Variants in SGIP1 observed in about 807,000 individuals in gnomAD.
SGIP1 encodes SH3-containing GRB2-like protein 3-interacting protein 1.
Under a neutral mutation model 107.5 loss-of-function variants are expected in SGIP1, and 38 were observed. That is an observed-to-expected ratio of 0.35 (90% CI 0.27 to 0.46). The LOEUF (loss-of-function observed/expected upper bound fraction) is 0.46. SGIP1 is among the 20% of genes least tolerant of loss of function. The pLI is 1.00. For synonymous variants in SGIP1, 365 were observed against 366.1 expected (o/e 1.00, Z 0.03); for missense variants, 929 against 1,019.5 (o/e 0.91, Z 1.21).
At chr1:66,637,047 CAA>C (rs3831086) in intron 4 of SGIP1, among the ~76,000 whole-genome samples, 3 of 150,420 alleles carry the variant, frequency 2.0e-5, no homozygotes, top group Admixed American at 1.3e-4. Context: ...TTAAGAAATA[CAA>C]AAAAAAAGGA....
At chr1:66,553,676 A>G (rs2057759342) in intron 1 of SGIP1, among the ~76,000 whole-genome samples, 1 of 107,360 alleles carries the variant, frequency 9.3e-6, no homozygotes, top group South Asian at 3.2e-4. Flanking sequence ...ACTCCAGTCA[A>G]AAAAAAAAAA....
At chr1:66,670,151 G>A (rs1443757890) in intron 9 of SGIP1, among the ~76,000 whole-genome samples, 2 of 152,132 alleles carry the variant, frequency 1.3e-5, no homozygotes, top group South Asian at 2.1e-4. Context: ...TGTACCCCAC[G>A]ATGCAACCAT....
chr1:66,689,209 T>C lies in SGIP1; in HGVS notation c.1377T>C (p.Pro459=). The C allele has an allele frequency of 6.2e-7, 1 of 1,613,888 alleles. No individual in the cohort carries two copies. The highest frequency in any genetic ancestry group is 8.5e-7 in the Non-Finnish European group (1 of 1,179,898). ...TTCCTTGCAGAAGTACCACTCCACC[T>C]CCACCTCCTCCCCGGCCTCCATCCC... ...PLVPCRSTTP[P]PPPPRPPSRP... is the part of the protein sequence containing the mutation. Residue 459 remains proline, a synonymous_variant, in exon 16 of 25, where the codon CCT becomes CCC. Coordinates refer to ENST00000371037, the MANE Select transcript of SGIP1 (RefSeq NM_032291.4).
At chr1:66,573,278 G>T (rs938469047) in intron 1 of SGIP1, among the ~76,000 whole-genome samples, 2 of 152,096 alleles carry the variant, frequency 1.3e-5, no homozygotes, top group Non-Finnish European at 2.9e-5. Flanking sequence ...TGTTAGTGAG[G>T]TTACAGAGAA....
chr1:66,711,467 A>G (rs1017798908), intron 18 of SGIP1, among the ~76,000 whole-genome samples: 1 of 152,184 alleles, frequency 6.6e-6, no homozygotes, highest in African/African-American at 2.4e-5. Context: ...AACATATTCT[A>G]TAAATTACTG....
At chr1:66,705,776 A>G (rs1166714456) in intron 18 of SGIP1, among the ~76,000 whole-genome samples, 1 of 152,176 alleles carries the variant, frequency 6.6e-6, no homozygotes, top group African/African-American at 2.4e-5. Context: ...CCATTCAAGG[A>G]AAGAACACTT....
intron 1 of SGIP1, among the ~76,000 whole-genome samples, chr1:66,554,614 G>A (rs1419947894): frequency 1.3e-5 from 2 of 152,044 alleles, no homozygotes. Context: ...TTAAAATAGT[G>A]CTTAGAATTA....
chr1:66,568,217 C>G (rs2059917994), intron 1 of SGIP1, among the ~76,000 whole-genome samples: 1 of 152,132 alleles, frequency 6.6e-6, no homozygotes, highest in Non-Finnish European at 1.5e-5. Context: ...AGAGGTCCTT[C>G]ATGTCCCTTG....
At chr1:66,739,210 C>G in intron 21 of SGIP1, 125 bp from the exon 22 acceptor site, 1 of 996,410 alleles carries the variant, frequency 1.0e-6, no homozygotes, top group Non-Finnish European at 1.5e-6. Flanking sequence ...TCTCTCACAG[C>G]ACGCTTCACG....
At chr1:66,545,980 A>G (rs1341360156) in intron 1 of SGIP1, among the ~76,000 whole-genome samples, 2 of 152,194 alleles carry the variant, frequency 1.3e-5, no homozygotes, top group Admixed American at 6.5e-5. Context: ...GTAAATGCTC[A>G]ATAAATACCC....
intron 1 of SGIP1, among the ~76,000 whole-genome samples, chr1:66,602,648 A>AAAT (rs2066084980): frequency 6.6e-6 from 1 of 151,764 alleles, no homozygotes; most frequent in South Asian, 2.1e-4. Flanking sequence ...AATAATAAAT[A>AAAT]AATAAATAAA....
intron 7 of SGIP1, among the ~76,000 whole-genome samples, chr1:66,656,842 A>C (rs2079888821): frequency 1.3e-5 from 2 of 152,124 alleles, no homozygotes; most frequent in South Asian, 4.1e-4. Context: ...AGACAAAGTG[A>C]TTATTTTATA....
chr1:66,728,807 C>T (rs547779435), intron 19 of SGIP1, among the ~76,000 whole-genome samples: 2 of 152,102 alleles, frequency 1.3e-5, no homozygotes, highest in Non-Finnish European at 2.9e-5. Flanking sequence ...TTTGCAGGAA[C>T]ATGGATGGAA....
chr1:66,719,211 A>T, intron 18 of SGIP1, 83 bp from the exon 19 acceptor site: 1 of 871,310 alleles, frequency 1.1e-6, no homozygotes, highest in South Asian at 1.8e-5. Context: ...TTTATTCCTT[A>T]ATCCTTTAAT....
chr1:66,703,289 T>C (rs1049037855), intron 18 of SGIP1, among the ~76,000 whole-genome samples: 3 of 152,062 alleles, frequency 2.0e-5, no homozygotes, highest in Non-Finnish European at 1.5e-5. Context: ...GCAAAGGCAA[T>C]GGTAGAATTG....
intron 1 of SGIP1, among the ~76,000 whole-genome samples, chr1:66,569,494 G>A (rs115503376): frequency 0.012 from 1,792 of 151,920 alleles, 21 homozygotes; most frequent in Middle Eastern, 0.031. Context: ...ATTTAAGAAT[G>A]TGATTTTTCT....
rs574307288 is a variant in SGIP1, at chr1:66,589,678, A to G, written c.11-36169A>G. Among the ~76,000 whole-genome samples the G allele has an allele frequency of 3.4e-3, 523 of 152,286 alleles. 3 individuals are homozygous for G. Among genetic ancestry groups the G allele is most frequent in the Non-Finnish European group, 6.4e-3 (435 of 68,032 alleles). ...CCCCCAGCCCCTGAATTCTCAACAA[A>G]TGAGAGTGTTTGACAGCATATTCCT... On this transcript the variant is annotated intron_variant, in intron 1 of 24. Coordinates refer to ENST00000371037, the MANE Select transcript of SGIP1 (RefSeq NM_032291.4).
intron 1 of SGIP1, among the ~76,000 whole-genome samples, chr1:66,564,504 C>A (rs920351091): frequency 4.0e-5 from 6 of 151,844 alleles, no homozygotes; most frequent in African/African-American, 1.5e-4. Context: ...TGTACACAAG[C>A]AAAGCAGGCG....
intron 1 of SGIP1, among the ~76,000 whole-genome samples, chr1:66,544,485 T>C (rs892109351): frequency 7.9e-5 from 12 of 152,084 alleles, no homozygotes; most frequent in Admixed American, 2.6e-4. Context: ...CAGGAGTTAA[T>C]AGACCAGGCT....
Sources: gnomAD v4.1 joint callset for allele counts (sites outside exome capture counted in the v4.1 genomes callset) on GRCh38, gnomAD v4.1.1 for gene constraint, MANE v1.5 for transcripts, NCBI Gene and HGNC (gene_info 2026-07-23, HGNC 2026-07-21) for gene names.